The following HCN4 variants were observed in gnomAD, a reference collection of about 807,000 sequenced individuals.
HCN4 encodes hyperpolarization activated cyclic nucleotide gated potassium channel 4, also known as potassium/sodium hyperpolarization-activated cyclic nucleotide-gated channel 4.
Under a neutral mutation model 76.9 loss-of-function variants are expected in HCN4, and 29 were observed. The ratio of observed to expected loss-of-function variants is 0.38; its 90% CI spans 0.28 to 0.51. The LOEUF (loss-of-function observed/expected upper bound fraction) is 0.51. HCN4 is among the 20% of genes least tolerant of loss of function. The probability of loss-of-function intolerance (pLI) is 0.90; values close to 1 mark genes in which losing one functional copy is unlikely to be tolerated. For missense variants in HCN4, 1,416 were observed against 1,715.2 expected, an observed-to-expected ratio of 0.83 and a Z score of 3.08; for synonymous variants, 772 against 762.5, an observed-to-expected ratio of 1.01 and a Z score of -0.21.
Position 73,367,744 on chromosome 15 carries a change from G to A in HCN4, c.527C>T (p.Ser176Phe). The A allele has an allele frequency of 6.3e-7, 1 of 1,575,438 alleles. No homozygotes were observed. The highest frequency in any genetic ancestry group is 8.6e-7 in the Non-Finnish European group (1 of 1,168,552). The change falls in exon 1 of 8, where the codon TCC becomes TTC. Residue 176 changes from serine (S) to phenylalanine (F), a missense_variant. By Grantham distance (155) the Ser-to-Phe change is radical. Around this residue, in one of 6 missense-constraint regions of HCN4, gnomAD observed 355 missense variants for 347.8 expected, o/e 1.02. Transcript: ENST00000261917. This position sits in a 1 kb window ranked among gnomAD's most constrained non-coding sequence, Gnocchi z 7.5. ...PPPQQPPQPA[S>F]ASCEQPSVDT... Reference sequence around the variant, plus strand: ...CACCGAGGGCTGCTCGCAGGAGGCGGAGGCCGGCTGCGGTGGCTGCTGGGG... The same window carrying A: ...CACCGAGGGCTGCTCGCAGGAGGCGAAGGCCGGCTGCGGTGGCTGCTGGGG...
rs1245661239 is a variant in HCN4, at chr15:73,322,394, T to TATTG, written c.*83_*86dup. ...TGGTTTTTTAAATAATTATTACTGT[T>TATTG]ATTGGTATATCTCCTAATCACAGTT... On this transcript the variant is annotated 3_prime_UTR_variant, in exon 8 of 8. Coordinates refer to ENST00000261917, the MANE Select transcript of HCN4 (RefSeq NM_005477.3). 4 of 1,042,816 alleles carry TATTG rather than the reference T, an allele frequency of 3.8e-6. No homozygotes were observed. In the East Asian group the frequency reaches 1.0e-4, roughly 27 times the overall value. 64.6% of individuals were successfully genotyped at this position (1,042,816 alleles called of 1,614,324 possible).
chr15:73,361,162 G>A (rs2043103128), intron 1 of HCN4, among the ~76,000 whole-genome samples: 3 of 152,196 alleles, frequency 2.0e-5, no homozygotes, highest in East Asian at 1.9e-4. Context: ...TTTGGTGCAT[G>A]GGATGCTGCT....
rs1369447435 is a variant in HCN4, at chr15:73,328,665, C to CA, written c.1590+907dup. 1.3e-5 allele frequency among the ~76,000 whole-genome samples: 2 copies of CA among 150,782 alleles called. No individual in the cohort carries two copies. The highest frequency in any genetic ancestry group is 1.5e-5 in the Non-Finnish European group (1 of 68,028). On this transcript the variant is annotated intron_variant, in intron 4 of 7. Transcript: ENST00000261917. The surrounding 1 kb of genome is among the most constrained non-coding windows in gnomAD (Gnocchi z 4.0). ...CGCTGTGGAGGCACAGGCCCACGCT[C>CA]AAACAGAGCTCGGCAGCAGAGAAGC...
Position 73,367,908 on chromosome 15 carries a change from G to A in HCN4, c.363C>T (p.His121=). The A allele has an allele frequency of 7.2e-7, 1 of 1,389,722 alleles. No homozygotes were observed. The allele number at this position is 1,389,722 out of a possible 1,614,324, so 86.1% of individuals were successfully genotyped here. ...GCCGCTCCTCCGCGGAGTCATGCAG[G>A]TGTCCGTGACTGCTGCCGCTCCCCG... ...GGTGSGSSHG[H]LHDSAEERRL... The change falls in exon 1 of 8, where the codon CAC becomes CAT. Residue 121 remains histidine, a synonymous_variant. Coordinates refer to ENST00000261917, the MANE Select transcript of HCN4 (RefSeq NM_005477.3). This position sits in a 1 kb window ranked among gnomAD's most constrained non-coding sequence, Gnocchi z 7.5.
In HCN4 at chr15:73,326,785, A is replaced by AT. The variant is rs200715507; in HGVS notation, c.1591-1342dup. Among the ~76,000 whole-genome samples the AT allele has an allele frequency of 9.1e-3, 1,357 of 148,328 alleles. 61 individuals are homozygous for AT. The highest frequency in any genetic ancestry group is 0.068 in the Admixed American group (1,012 of 14,914). Reference sequence around the variant, plus strand: ...TTTTTTTCTTTTTATTTATTTATTTATTTATTTATTTTTTTTGTTAAGACA... The same window carrying AT: ...TTTTTTTCTTTTTATTTATTTATTTATTTTATTTATTTTTTTTGTTAAGACA... On this transcript the variant is annotated intron_variant, in intron 4 of 7. Transcript: ENST00000261917.
At position 73,325,212 on chromosome 15, in the gene HCN4, A is replaced by G. The variant is rs959336814; in HGVS notation, c.1738-17T>C. 6.2e-7 allele frequency: 1 copy of G among 1,614,010 alleles called. No individual in the cohort carries two copies. The highest frequency in any genetic ancestry group is 8.5e-7 in the Non-Finnish European group (1 of 1,179,920). On this transcript the variant is annotated splice_polypyrimidine_tract_variant and intron_variant, in intron 5 of 7. Coordinates refer to ENST00000261917, the MANE Select transcript of HCN4 (RefSeq NM_005477.3). The surrounding 1 kb of genome is among the most constrained non-coding windows in gnomAD (Gnocchi z 7.4). ...GATGATCTCCTGCCGGACAGGGTGG[A>G]TTGGGACACGGGAAGGAGGTGGTGA...
chr15:73,323,879 C>G lies in HCN4; in HGVS notation c.2214G>C (p.Glu738Asp). 6.2e-7 allele frequency: 1 copy of G among 1,604,362 alleles called. No homozygotes were observed. The highest frequency in any genetic ancestry group is 8.5e-7 in the Non-Finnish European group (1 of 1,179,954). ...GCACAATCTGCTGGATGATCTCATTCTCCTGGTAGTTGAAGACGCCGGAGT... is the reference window on the plus strand; with the variant it reads ...GCACAATCTGCTGGATGATCTCATTGTCCTGGTAGTTGAAGACGCCGGAGT... Reference protein sequence around the residue: ...DLNSGVFNYQENEIIQQIVQH... With the variant: ...DLNSGVFNYQDNEIIQQIVQH... Residue 738 changes from glutamate (E) to aspartate (D), a missense_variant, in exon 8 of 8, where the codon GAG becomes GAC. By Grantham distance (45) the Glu-to-Asp change is conservative. Coordinates refer to ENST00000261917, the MANE Select transcript of HCN4 (RefSeq NM_005477.3).
At chr15:73,356,031 TG>T (rs2043077666) in intron 1 of HCN4, among the ~76,000 whole-genome samples, 2 of 152,062 alleles carry the variant, frequency 1.3e-5, no homozygotes, top group Admixed American at 6.5e-5. Flanking sequence ...AATAGAACAT[TG>T]TTGTGGAGTA....
chr15:73,336,590 C>T (rs534531723), intron 2 of HCN4, among the ~76,000 whole-genome samples: 12 of 152,232 alleles, frequency 7.9e-5, no homozygotes, highest in Middle Eastern at 3.4e-3. Context: ...TGTCGCTGTT[C>T]GTGAGGCTGA....
chr15:73,322,803 C>T lies in HCN4; in HGVS notation c.3290G>A (p.Gly1097Glu), dbSNP rs1354550200. The change falls in exon 8 of 8, where the codon GGG becomes GAG. Residue 1097 changes from glycine to glutamate, a missense_variant. Transcript: ENST00000261917. ...GGAGGCTCTGCGGAGAGTCTGCGCC[C>T]CGTCCTGAGGCAGGGCTGGCTGAGA... ...SASQPALPQD[G>E]AQTLRRASPH... is the part of the protein sequence containing the mutation. 1.3e-6 allele frequency: 2 copies of T among 1,541,528 alleles called. No homozygotes were observed. Among genetic ancestry groups the T allele is most frequent in the Non-Finnish European group, 1.7e-6 (2 of 1,143,930 alleles).
chr15:73,353,003 CAGATGGAT>C (rs1231919234), intron 1 of HCN4, among the ~76,000 whole-genome samples: 1 of 146,792 alleles, frequency 6.8e-6, no homozygotes, highest in African/African-American at 2.6e-5. Context: ...GATGGATGGA[CAGATGGAT>C]GGATGGATGG....
In HCN4 at chr15:73,331,110, G is replaced by A. The variant is rs184958912; in HGVS notation, c.1371+1021C>T. ...ACTGACTGGGAGGAAGCCTGGGAGA[G>A]GCAGGGGTTCACCAGAGACACAGAA... On this transcript the variant is annotated intron_variant, in intron 3 of 7. Coordinates refer to ENST00000261917, the MANE Select transcript of HCN4 (RefSeq NM_005477.3). Among the ~76,000 whole-genome samples, 19 of 152,290 alleles carry A rather than the reference G, an allele frequency of 1.2e-4. 1 individual carries two copies. The highest frequency in any genetic ancestry group is 1.0e-3 in the Admixed American group (16 of 15,310).
At chr15:73,341,069 G>GGTGTGTGTGTGTGTGTGTGT (rs76504723) in intron 2 of HCN4, 89 of 145,902 alleles carry the variant, frequency 6.1e-4, no homozygotes, top group East Asian at 3.2e-3. Flanking sequence ...GAGGGAGGTA[G>GGTGTGTGTGTGTGTGTGTGT]GTGTGTGTGT....
At chr15:73,338,618 A>G (rs897572875) in intron 2 of HCN4, among the ~76,000 whole-genome samples, 54 of 152,142 alleles carry the variant, frequency 3.5e-4, no homozygotes, top group African/African-American at 1.2e-3. Flanking sequence ...CCCAACAAAG[A>G]GTTGATTTCT....
At chr15:73,348,349 C>T (rs1376294941) in intron 1 of HCN4, among the ~76,000 whole-genome samples, 1 of 152,226 alleles carries the variant, frequency 6.6e-6, no homozygotes, top group Non-Finnish European at 1.5e-5. Context: ...AGGACATATG[C>T]ACATATATAC....
intron 1 of HCN4, among the ~76,000 whole-genome samples, chr15:73,362,189 A>G (rs1472077468): frequency 1.3e-5 from 2 of 152,152 alleles, no homozygotes; most frequent in Non-Finnish European, 1.5e-5. Flanking sequence ...ACATCCCCAC[A>G]CTGGCAGGCA....
At chr15:73,350,377 A>G (rs574392896) in intron 1 of HCN4, among the ~76,000 whole-genome samples, 1 of 152,178 alleles carries the variant, frequency 6.6e-6, no homozygotes, top group African/African-American at 2.4e-5. Flanking sequence ...ACAACCTCAG[A>G]CCAGTCCTAC....
intron 1 of HCN4, among the ~76,000 whole-genome samples, chr15:73,353,757 G>T (rs997896441): frequency 6.6e-6 from 1 of 152,072 alleles, no homozygotes; most frequent in Non-Finnish European, 1.5e-5. Context: ...GTGTCCTGGG[G>T]CTGGCATCTT....
chr15:73,322,618 C>T lies in HCN4; in HGVS notation c.3475G>A (p.Gly1159Ser), dbSNP rs1377407381. Reference sequence around the variant, plus strand: ...AAAGACAGAGGGGGTGGCAAAGAACCTGAGGATGTCTTCCGAGGCAGAGTG... The same window carrying T: ...AAAGACAGAGGGGGTGGCAAAGAACTTGAGGATGTCTTCCGAGGCAGAGTG... ...HVTLPRKTSSGSLPPPLSLFG... is the reference protein window; with the variant it reads ...HVTLPRKTSSSSLPPPLSLFG... Residue 1159 changes from glycine to serine, a missense_variant, in exon 8 of 8, where the codon GGT becomes AGT. Gly to Ser is a moderately conservative substitution (Grantham distance 56). This residue lies in a region of HCN4 where 633 missense variants were observed against 579.8 expected (regional missense o/e 1.09). Transcript: ENST00000261917. The T allele has an allele frequency of 6.2e-7, 1 of 1,611,872 alleles. No individual in the cohort carries two copies. Among genetic ancestry groups the T allele is most frequent in the Non-Finnish European group, 8.5e-7 (1 of 1,179,406 alleles).
Sources: allele counts gnomAD v4.1 joint callset (sites outside exome capture counted in the v4.1 genomes callset), GRCh38; gene constraint gnomAD v4.1.1; regional missense constraint gnomAD v4.1.1; non-coding constraint Gnocchi (gnomAD v3.1); transcripts MANE v1.5; gene names NCBI Gene and HGNC (gene_info 2026-07-23, HGNC 2026-07-21).